NACC2: variants seen among roughly 807,000 people sequenced by gnomAD.
NACC2 encodes the protein NACC family member 2, also known as nucleus accumbens-associated protein 2.
Under a neutral mutation model 25.1 loss-of-function variants are expected in NACC2, and 8 were observed. That is an observed-to-expected ratio of 0.32 (90% CI 0.19 to 0.57). The LOEUF is 0.57. Ranked by LOEUF, NACC2 falls within the 20% of genes least tolerant of loss-of-function variation. NACC2 has a pLI of 0.89. For missense variants in NACC2, 644 were observed against 650.2 expected (o/e 0.99, Z 0.10); for synonymous variants, 435 against 294.7 (o/e 1.48, Z -4.88).
chr9:136,060,782 G>T (rs1187237374), intron 1 of NACC2, among the ~76,000 whole-genome samples: 1 of 152,248 alleles, frequency 6.6e-6, no homozygotes, highest in Non-Finnish European at 1.5e-5. Flanking sequence ...GTCCCCACCA[G>T]CCTGCCGGTC....
chr9:136,073,596 A>G (rs1230394040), intron 1 of NACC2, among the ~76,000 whole-genome samples: 2 of 152,164 alleles, frequency 1.3e-5, no homozygotes, highest in African/African-American at 4.8e-5. Context: ...AATGCCAAAG[A>G]GAACAGGAAA....
chr9:136,058,078 C>G (rs887067333), intron 1 of NACC2, among the ~76,000 whole-genome samples: 2 of 152,070 alleles, frequency 1.3e-5, no homozygotes, highest in Admixed American at 1.3e-4. Flanking sequence ...CAGAGCGACA[C>G]AGAAACACTA....
In NACC2 at chr9:136,016,552, AGGTGAGGCCACTCTGTGCCG is replaced by A. The variant is rs566445776; in HGVS notation, c.887-143_887-124del. On this transcript the variant is annotated intron_variant, in intron 2 of 5. Transcript: ENST00000277554. ...AGACCCACTCTGCCCACCTGGGCCC[AGGTGAGGCCACTCTGTGCCG>A]CTCTCCTGCTGGCCTGGGTCAGACT... 302 of 1,155,680 alleles carry A rather than the reference AGGTGAGGCCACTCTGTGCCG, an allele frequency of 2.6e-4. No homozygotes were observed. The African/African-American group carries it at 4.2e-3, about 16-fold the overall frequency. 71.6% of individuals were successfully genotyped at this position (1,155,680 alleles called of 1,614,324 possible). A position where few individuals can be genotyped will look rare whatever the true frequency, so the allele number is the denominator to read the frequency against.
intron 2 of NACC2, among the ~76,000 whole-genome samples, chr9:136,044,810 G>T (rs891018719): frequency 1.3e-5 from 2 of 152,222 alleles, no homozygotes; most frequent in East Asian, 3.9e-4. Flanking sequence ...GTAATGGTGG[G>T]GGGTGAGTGG....
At chr9:136,065,863 A>T (rs1041004800) in intron 1 of NACC2, among the ~76,000 whole-genome samples, 2 of 152,032 alleles carry the variant, frequency 1.3e-5, no homozygotes, top group African/African-American at 4.8e-5. Context: ...ACTTCCTCAA[A>T]ATTTAAAAAT....
chr9:136,049,395 T>A (rs1460084024), intron 2 of NACC2, among the ~76,000 whole-genome samples: 3 of 152,190 alleles, frequency 2.0e-5, no homozygotes, highest in African/African-American at 7.2e-5. Flanking sequence ...CGTTTCCTCA[T>A]CTATCCAGTG....
intron 1 of NACC2, among the ~76,000 whole-genome samples, chr9:136,083,669 C>T (rs1369218978): frequency 6.6e-6 from 1 of 152,256 alleles, no homozygotes; most frequent in Non-Finnish European, 1.5e-5. Context: ...TGGCACCACG[C>T]TGCGGAGGCA....
In NACC2 at chr9:136,011,513, C is replaced by G; in HGVS notation, c.*3G>C. 4 of 1,378,460 alleles carry G rather than the reference C, an allele frequency of 2.9e-6. No individual in the cohort carries two copies. Among genetic ancestry groups the G allele is most frequent in the Non-Finnish European group, 3.7e-6 (4 of 1,068,966 alleles). The allele number at this position is 1,378,460 out of a possible 1,614,324, so 85.4% of individuals were successfully genotyped here. A position where few individuals can be genotyped will look rare whatever the true frequency, so the allele number is the denominator to read the frequency against. On this transcript the variant is annotated 3_prime_UTR_variant, in exon 6 of 6. Transcript: ENST00000277554. ...GGTCCCTCGCGCAGCCACCCAGCTC[C>G]GCTTACAAGGTCCCTGCATAGGTGC...
intron 2 of NACC2, among the ~76,000 whole-genome samples, chr9:136,025,336 G>A (rs748165790): frequency 1.3e-5 from 2 of 152,118 alleles, no homozygotes; most frequent in African/African-American, 2.4e-5. Flanking sequence ...ATGTCCGGCC[G>A]TCCATAAGAA....
chr9:136,071,174 G>A (rs1191231872), intron 1 of NACC2, among the ~76,000 whole-genome samples: 1 of 151,124 alleles, frequency 6.6e-6, no homozygotes, highest in African/African-American at 2.5e-5. Flanking sequence ...CAGACGTTGC[G>A]GTGAGCCAAG....
At chr9:136,090,181 G>C (rs1271038912) in intron 1 of NACC2, among the ~76,000 whole-genome samples, 1 of 152,270 alleles carries the variant, frequency 6.6e-6, no homozygotes, top group Non-Finnish European at 1.5e-5. Context: ...CTGGGTGGTA[G>C]AAGGGAGATG....
rs534723390 is a variant in NACC2, at chr9:136,012,034, C to T, written c.1256-10G>A. The T allele has an allele frequency of 1.2e-5, 19 of 1,535,390 alleles. No homozygotes were observed. Among genetic ancestry groups the T allele is most frequent in the Admixed American group, 5.4e-5 (3 of 55,334 alleles). On this transcript the variant is annotated splice_polypyrimidine_tract_variant and intron_variant, in intron 5 of 5. Transcript: ENST00000277554. The stretch of plus-strand genomic sequence containing the variant: ...AAGTTCTGACAGTACACTGTGAGGA[C>T]GGGGCGGCGTGAGCTCAGCCACCTG...
intron 1 of NACC2, among the ~76,000 whole-genome samples, chr9:136,088,102 C>T (rs112444508): frequency 6.2e-4 from 94 of 152,326 alleles, no homozygotes; most frequent in African/African-American, 2.1e-3. Context: ...CGGGGACTGT[C>T]GGGCTTGTAC....
chr9:136,028,622 G>A (rs776839744), intron 2 of NACC2, among the ~76,000 whole-genome samples: 12 of 152,156 alleles, frequency 7.9e-5, no homozygotes, highest in South Asian at 2.1e-4. Context: ...GGCAGGAGCC[G>A]GGAACAGGTA....
At chr9:136,087,884 T>G (rs1036656547) in intron 1 of NACC2, among the ~76,000 whole-genome samples, 2 of 152,134 alleles carry the variant, frequency 1.3e-5, no homozygotes, top group African/African-American at 4.8e-5. Flanking sequence ...TCCCCGTCCC[T>G]TGTCTGCTGC....
intron 2 of NACC2, among the ~76,000 whole-genome samples, chr9:136,029,323 G>C (rs1427936821): frequency 1.3e-5 from 2 of 152,184 alleles, no homozygotes; most frequent in Non-Finnish European, 2.9e-5. Flanking sequence ...ATGTTGAGGA[G>C]ACCTGCCTGC....
At chr9:136,087,314 G>GT (rs2131190474) in intron 1 of NACC2, among the ~76,000 whole-genome samples, 1 of 152,336 alleles carries the variant, frequency 6.6e-6, no homozygotes, top group South Asian at 2.1e-4. Context: ...CTCTGTCGTG[G>GT]TGGCCCCAGG....
At chr9:136,016,222 T>TA (rs1238968948) in intron 3 of NACC2, 43 bp downstream of exon 3, 2 of 1,598,460 alleles carry the variant, frequency 1.3e-6, no homozygotes, top group Admixed American at 3.4e-5. Flanking sequence ...AATAAATAAA[T>TA]GAGGACATTT....
intron 2 of NACC2, among the ~76,000 whole-genome samples, chr9:136,048,090 G>A (rs1378330294): frequency 1.3e-5 from 2 of 152,288 alleles, no homozygotes; most frequent in African/African-American, 2.4e-5. Context: ...TGCCATTGTC[G>A]GCAGGGCACT....
Sources: gnomAD v4.1 joint callset for allele counts (sites outside exome capture counted in the v4.1 genomes callset) on GRCh38, gnomAD v4.1.1 for gene constraint, MANE v1.5 for transcripts, NCBI Gene and HGNC (gene_info 2026-07-23, HGNC 2026-07-21) for gene names.